Variants in RALGPS1 observed in about 807,000 individuals in gnomAD.
RALGPS1 encodes Ral GEF with PH domain and SH3 binding motif 1.
RALGPS1 carries 19 observed loss-of-function variants against 78.8 expected under a neutral mutation model. The ratio of observed to expected loss-of-function variants is 0.24; its 90% CI spans 0.17 to 0.35. The LOEUF is 0.35. Among genes scored for constraint, RALGPS1 ranks in the 10% least tolerant of loss-of-function variants. The pLI is 1.00. For missense variants in RALGPS1, 454 were observed against 688.3 expected, an observed-to-expected ratio of 0.66 and a Z score of 3.81; for synonymous variants, 228 against 256.3, an observed-to-expected ratio of 0.89 and a Z score of 1.06.
At chr9:127,050,228 G>A (rs1452985663) in intron 6 of RALGPS1, 96 bp downstream of exon 6, 10 of 1,042,740 alleles carry the variant, frequency 9.6e-6, no homozygotes, top group Non-Finnish European at 1.5e-5. Flanking sequence ...GAGCTGCTTT[G>A]CTGTGGGCCT....
intron 8 of RALGPS1, among the ~76,000 whole-genome samples, chr9:127,159,285 C>T (rs1193144752): frequency 6.6e-6 from 1 of 152,132 alleles, no homozygotes; most frequent in African/African-American, 2.4e-5. Flanking sequence ...CCAGGCAATC[C>T]CCAGGGCATG....
chr9:127,017,843 T>C (rs2045009670), intron 4 of RALGPS1, among the ~76,000 whole-genome samples: 1 of 152,308 alleles, frequency 6.6e-6, no homozygotes, highest in African/African-American at 2.4e-5. Flanking sequence ...TAAATATCAC[T>C]GTCTTCCACC....
intron 11 of RALGPS1, among the ~76,000 whole-genome samples, chr9:127,187,094 G>A (rs763951659): frequency 3.9e-5 from 6 of 152,198 alleles, no homozygotes; most frequent in Non-Finnish European, 7.3e-5. Context: ...ACTGCAGAGT[G>A]CCTCTGAGCC....
intron 1 of RALGPS1, among the ~76,000 whole-genome samples, chr9:126,917,358 G>A (rs2034279776): frequency 2.0e-5 from 3 of 152,204 alleles, no homozygotes; most frequent in African/African-American, 4.8e-5. Context: ...AACATGTGTT[G>A]AATAATGAGG....
At chr9:127,108,284 C>T (rs1320316454) in intron 8 of RALGPS1, 1 of 1,614,016 alleles carries the variant, frequency 6.2e-7, no homozygotes, top group Admixed American at 1.7e-5. Context: ...AACGCGTTGT[C>T]CCGCTTGCGG....
intron 1 of RALGPS1, among the ~76,000 whole-genome samples, chr9:126,943,237 G>A (rs1346905564): frequency 1.3e-5 from 2 of 152,124 alleles, no homozygotes; most frequent in East Asian, 3.9e-4. Context: ...CCACCTCCTG[G>A]ATTCAAGCGA....
chr9:127,208,387 T>A (rs2062049105), intron 14 of RALGPS1, among the ~76,000 whole-genome samples: 1 of 152,240 alleles, frequency 6.6e-6, no homozygotes, highest in Admixed American at 6.5e-5. Flanking sequence ...ACCATGTTTA[T>A]GCTGCCGCCT....
chr9:126,982,928 CTTTTTTTTTTT>C (rs71377984), intron 4 of RALGPS1, among the ~76,000 whole-genome samples: 1 of 34,592 alleles, frequency 2.9e-5, no homozygotes, highest in African/African-American at 7.5e-5. Context: ...TCTTCTTCTT[CTTTTTTTTTTT>C]TTTTTTTTTT....
rs1271315593 is a variant in RALGPS1 at position 127,082,724 on chromosome 9, G to C, written c.610+13368G>C. On this transcript the variant is annotated intron_variant, in intron 8 of 18. Transcript: ENST00000259351. ...TAAGTTTTCTGTTACGTTGAAGAGAGAGTAATTATAGAATCCACCTCGTAG... is the reference window on the plus strand; with the variant it reads ...TAAGTTTTCTGTTACGTTGAAGAGACAGTAATTATAGAATCCACCTCGTAG... 2.6e-5 allele frequency among the ~76,000 whole-genome samples: 4 copies of C among 152,186 alleles called. No individual in the cohort carries two copies. In the East Asian group the frequency reaches 5.8e-4, roughly 22 times the overall value.
chr9:126,923,884 C>T (rs189767168), intron 1 of RALGPS1, among the ~76,000 whole-genome samples: 25 of 152,318 alleles, frequency 1.6e-4, no homozygotes, highest in Non-Finnish European at 3.4e-4. Context: ...GCATCCTTTG[C>T]TGTTTTCAGA....
chr9:126,927,262 T>C (rs2035369048), intron 1 of RALGPS1, among the ~76,000 whole-genome samples: 1 of 152,048 alleles, frequency 6.6e-6, no homozygotes, highest in African/African-American at 2.4e-5. Flanking sequence ...TCAGGAAGGC[T>C]GTGTGGTAGT....
intron 11 of RALGPS1, among the ~76,000 whole-genome samples, chr9:127,189,931 G>T (rs2060933513): frequency 1.3e-5 from 2 of 152,356 alleles, no homozygotes; most frequent in Middle Eastern, 6.8e-3. Context: ...ACAGCACCTG[G>T]CACAGAGTAG....
At chr9:126,987,230 T>C (rs1212937773) in intron 4 of RALGPS1, among the ~76,000 whole-genome samples, 2 of 152,136 alleles carry the variant, frequency 1.3e-5, no homozygotes, top group African/African-American at 4.8e-5. Context: ...TACACCATGG[T>C]GCCCTAGGAG....
chr9:127,206,660 C>G (rs1326028307), intron 14 of RALGPS1, among the ~76,000 whole-genome samples: 1 of 152,046 alleles, frequency 6.6e-6, no homozygotes, highest in Non-Finnish European at 1.5e-5. Context: ...AGGGAGGGAT[C>G]CTACTTCTAC....
chr9:127,049,667 C>T (rs946923450), intron 5 of RALGPS1, among the ~76,000 whole-genome samples: 63 of 152,186 alleles, frequency 4.1e-4, no homozygotes, highest in African/African-American at 2.2e-4. Flanking sequence ...CCTCCATCCA[C>T]CCATCATCTA....
intron 4 of RALGPS1, among the ~76,000 whole-genome samples, chr9:126,987,778 A>G (rs1490145671): frequency 6.6e-6 from 1 of 152,144 alleles, no homozygotes; most frequent in African/African-American, 2.4e-5. Flanking sequence ...TCATCAGTCT[A>G]CTGTGCTAAA....
At chr9:127,045,448 G>A (rs1013242234) in intron 5 of RALGPS1, among the ~76,000 whole-genome samples, 2 of 152,116 alleles carry the variant, frequency 1.3e-5, no homozygotes, top group African/African-American at 2.4e-5. Context: ...AGGGGGATGG[G>A]TAACAATTCT....
Position 127,122,968 on chromosome 9 carries a change from G to A in RALGPS1, c.611-43101G>A, listed in dbSNP as rs930103925. On this transcript the variant is annotated intron_variant, in intron 8 of 18. Coordinates refer to ENST00000259351, the MANE Select transcript of RALGPS1 (RefSeq NM_014636.3). The surrounding 1 kb of genome is among the most constrained non-coding windows in gnomAD (Gnocchi z 6.4). ...AGCTCAGGCAGCTCCCGCGTGCTGCGAGGCGGAGCGCTTCCCCTTTGACTC... is the reference window on the plus strand; with the variant it reads ...AGCTCAGGCAGCTCCCGCGTGCTGCAAGGCGGAGCGCTTCCCCTTTGACTC... 2 of 152,526 alleles carry A rather than the reference G, an allele frequency of 1.3e-5. No individual in the cohort carries two copies. Among genetic ancestry groups the A allele is most frequent in the East Asian group, 1.9e-4 (1 of 5,182 alleles). The allele number at this position is 152,526 out of a possible 1,614,324, so 9.4% of individuals were successfully genotyped here. A position where few individuals can be genotyped will look rare whatever the true frequency, so the allele number is the denominator to read the frequency against.
intron 5 of RALGPS1, among the ~76,000 whole-genome samples, chr9:127,041,859 G>T (rs146469840): frequency 3.9e-5 from 6 of 152,274 alleles, no homozygotes; most frequent in Non-Finnish European, 8.8e-5. Context: ...ATGGAAACGG[G>T]GAGGCAGTTG....
Sources: gnomAD v4.1 joint callset for allele counts (sites outside exome capture counted in the v4.1 genomes callset) on GRCh38, gnomAD v4.1.1 for gene constraint, Gnocchi (gnomAD v3.1) non-coding constraint, MANE v1.5 for transcripts, NCBI Gene and HGNC (gene_info 2026-07-23, HGNC 2026-07-21) for gene names.